The following KIAA1958 variants were observed in gnomAD, a reference collection of about 807,000 sequenced individuals.
KIAA1958 encodes the protein KIAA1958.
KIAA1958 carries 14 observed loss-of-function variants against 47.2 expected under a neutral mutation model. The observed-to-expected ratio is 0.30, with a 90% CI of 0.20 to 0.46. The LOEUF (loss-of-function observed/expected upper bound fraction) is 0.46, where lower values mean the gene tolerates loss of function less well. Among genes scored for constraint, KIAA1958 ranks in the 20% least tolerant of loss-of-function variants. The pLI is 1.00. For synonymous variants in KIAA1958, 354 were observed against 353.3 expected (o/e 1.00, Z -0.02); for missense variants, 803 against 909.2 (o/e 0.88, Z 1.50).
intron 1 of KIAA1958, among the ~76,000 whole-genome samples, chr9:112,523,743 C>A (rs1834593922): frequency 6.6e-6 from 1 of 152,042 alleles, no homozygotes; most frequent in African/African-American, 2.4e-5. Context: ...ATATGCAAAC[C>A]CCAGAAATGG....
rs1297939594 is a variant in KIAA1958 at position 112,575,098 on chromosome 9, G to A, written c.1018G>A (p.Glu340Lys). The A allele has an allele frequency of 2.5e-6, 4 of 1,611,176 alleles. No homozygotes were observed. The highest frequency in any genetic ancestry group is 2.2e-5 in the East Asian group (1 of 44,884). ...LPGQDEQVAS[E>K]EFLSHLPSQV... is the part of the protein sequence containing the mutation. ...TGGACAGGATGAGCAAGTTGCCTCT[G>A]AAGAGTTCCTGTCCCATCTGCCCAG... The change falls in exon 2 of 4, where the codon GAA (glutamate) becomes AAA (lysine). Residue 340 changes from glutamate (E) to lysine (K), a missense_variant. By Grantham distance (56) the Glu-to-Lys change is moderately conservative (BLOSUM62 1). This residue lies in a region of KIAA1958 where 761 missense variants were observed against 829.3 expected (regional missense o/e 0.92). Transcript: ENST00000337530.
intron 2 of KIAA1958, among the ~76,000 whole-genome samples, chr9:112,598,427 G>A (rs1381770582): frequency 1.3e-5 from 2 of 152,160 alleles, no homozygotes; most frequent in Non-Finnish European, 2.9e-5. Context: ...GCAGGGGAGT[G>A]ACATGGACAA....
At chr9:112,550,078 G>C (rs1728247883) in intron 1 of KIAA1958, among the ~76,000 whole-genome samples, 1 of 150,868 alleles carries the variant, frequency 6.6e-6, no homozygotes, top group South Asian at 2.1e-4. Flanking sequence ...GTTTGAATGG[G>C]AAGGAATTAG....
intron 1 of KIAA1958, among the ~76,000 whole-genome samples, chr9:112,492,959 C>CCCT (rs1438061499): frequency 6.9e-6 from 1 of 144,902 alleles, no homozygotes; most frequent in Non-Finnish European, 1.5e-5. Flanking sequence ...CCTGTGTGTC[C>CCCT]CAGATTGGTC....
At chr9:112,541,252 TTA>T (rs1319767141) in intron 1 of KIAA1958, among the ~76,000 whole-genome samples, 2 of 152,180 alleles carry the variant, frequency 1.3e-5, no homozygotes, top group African/African-American at 4.8e-5. Flanking sequence ...TTTCAAAGTT[TTA>T]TGTTTTTTGA....
intron 3 of KIAA1958, among the ~76,000 whole-genome samples, chr9:112,652,961 C>T (rs1217358444): frequency 2.6e-5 from 4 of 152,174 alleles, no homozygotes; most frequent in African/African-American, 9.7e-5. Flanking sequence ...TTCGGGACTT[C>T]TGGTATGTGT....
intron 1 of KIAA1958, among the ~76,000 whole-genome samples, chr9:112,573,402 A>G (rs898057048): frequency 2.0e-5 from 3 of 152,148 alleles, no homozygotes; most frequent in Non-Finnish European, 4.4e-5. Context: ...TCTTTGGTCT[A>G]CAGCCTTCCC....
intron 1 of KIAA1958, among the ~76,000 whole-genome samples, chr9:112,561,685 T>C (rs1211787590): frequency 6.6e-6 from 1 of 152,038 alleles, no homozygotes; most frequent in East Asian, 1.9e-4. Flanking sequence ...TGGAACCCTG[T>C]CTCTACTAAA....
intron 1 of KIAA1958, among the ~76,000 whole-genome samples, chr9:112,536,148 T>A (rs1588006982): frequency 1.3e-5 from 2 of 152,230 alleles, no homozygotes; most frequent in African/African-American, 4.8e-5. Context: ...CACTGGACTT[T>A]CTTTCCCATG....
intron 1 of KIAA1958, among the ~76,000 whole-genome samples, chr9:112,506,092 G>A (rs1834230813): frequency 6.6e-6 from 1 of 152,114 alleles, no homozygotes; most frequent in Non-Finnish European, 1.5e-5. Flanking sequence ...GAACTATAGG[G>A]TAAAGCTTTT....
At position 112,574,595 on chromosome 9, in the gene KIAA1958, G is replaced by A. The variant is rs868215214; in HGVS notation, c.515G>A (p.Arg172His). ...ACCCAAAGGCCTCAAAGCATTGCTCGCAAAAGACCTGGGGTAGTCCCATCT... is the reference window on the plus strand; with the variant it reads ...ACCCAAAGGCCTCAAAGCATTGCTCACAAAAGACCTGGGGTAGTCCCATCT... ...PQTQRPQSIA[R>H]KRPGVVPSSL... Residue 172 changes from arginine (R) to histidine (H), a missense_variant, in exon 2 of 4, where the codon CGC becomes CAC. Coordinates refer to ENST00000337530, the MANE Select transcript of KIAA1958 (RefSeq NM_133465.4). The A allele has an allele frequency of 5.6e-6, 9 of 1,614,072 alleles. No homozygotes were observed. The highest frequency in any genetic ancestry group is 3.3e-5 in the South Asian group (3 of 91,072).
At chr9:112,506,574 C>G (rs759174107) in intron 1 of KIAA1958, among the ~76,000 whole-genome samples, 4 of 152,164 alleles carry the variant, frequency 2.6e-5, no homozygotes, top group Non-Finnish European at 5.9e-5. Flanking sequence ...TTGTGACTAC[C>G]TGGGTACTTG....
At chr9:112,490,396 G>A (rs956125163) in intron 1 of KIAA1958, among the ~76,000 whole-genome samples, 12 of 152,010 alleles carry the variant, frequency 7.9e-5, no homozygotes, top group Middle Eastern at 3.2e-3. Context: ...TAACTCTTAC[G>A]TGATACTTCT....
intron 1 of KIAA1958, among the ~76,000 whole-genome samples, chr9:112,565,402 C>T (rs1835411640): frequency 6.6e-6 from 1 of 152,182 alleles, no homozygotes; most frequent in African/African-American, 2.4e-5. Flanking sequence ...CTGCACCTGG[C>T]CTGAATTTCA....
chr9:112,509,108 G>A (rs571938144), intron 1 of KIAA1958, among the ~76,000 whole-genome samples: 1 of 150,144 alleles, frequency 6.7e-6, no homozygotes, highest in Non-Finnish European at 1.5e-5. Context: ...GTCAGTGTTA[G>A]AATAGTGTAT....
At chr9:112,534,239 G>A (rs149170760) in intron 1 of KIAA1958, among the ~76,000 whole-genome samples, 70 of 152,340 alleles carry the variant, frequency 4.6e-4, no homozygotes, top group African/African-American at 1.6e-3. Context: ...GCATATCCAT[G>A]CGTATATCTT....
intron 1 of KIAA1958, among the ~76,000 whole-genome samples, chr9:112,554,578 A>G (rs570511241): frequency 6.6e-6 from 1 of 152,220 alleles, no homozygotes; most frequent in Non-Finnish European, 1.5e-5. Flanking sequence ...TAATATATCC[A>G]TCATTAAAAA....
rs563863508 is a variant in KIAA1958, at chr9:112,517,909, C to T, written c.-25+30791C>T. 1.2e-4 allele frequency among the ~76,000 whole-genome samples: 19 copies of T among 152,296 alleles called. 1 individual carries two copies. Among genetic ancestry groups the T allele is most frequent in the African/African-American group, 4.6e-4 (19 of 41,564 alleles). ...GAATGGCTAGAATTAAAAAGTCTGA[C>T]CAGGTGTTGGCTAGGATATTAAGTA... On this transcript the variant is annotated intron_variant, in intron 1 of 3. Transcript: ENST00000337530.
At chr9:112,509,163 A>G (rs2132776758) in intron 1 of KIAA1958, among the ~76,000 whole-genome samples, 1 of 152,158 alleles carries the variant, frequency 6.6e-6, no homozygotes. Flanking sequence ...AGACATTTAA[A>G]ATAAGCATCG....
Sources: gnomAD v4.1 joint callset for allele counts (sites outside exome capture counted in the v4.1 genomes callset) on GRCh38, gnomAD v4.1.1 for gene constraint, gnomAD v4.1.1 regional missense constraint, MANE v1.5 for transcripts, NCBI Gene and HGNC (gene_info 2026-07-23, HGNC 2026-07-21) for gene names.